The following ANKRD31 variants were observed in gnomAD, a reference collection of about 807,000 sequenced individuals.
ANKRD31 encodes ankyrin repeat domain 31.
ANKRD31 carries 147 observed loss-of-function variants against 186.0 expected under a neutral mutation model. The observed-to-expected ratio is 0.79, with a 90% CI of 0.69 to 0.91. The LOEUF is 0.91. Ranked by LOEUF, ANKRD31 falls within the 40% of genes least tolerant of loss-of-function variation. The pLI is 0.00. For missense variants in ANKRD31, 1,986 were observed against 2,148.8 expected (o/e 0.92, Z 1.50); for synonymous variants, 673 against 736.4 (o/e 0.91, Z 1.39).
chr5:75,236,773 T>C lies in ANKRD31; in HGVS notation c.-87A>G. The C allele has an allele frequency of 2.0e-6, 2 of 1,021,016 alleles. No individual in the cohort carries two copies. The highest frequency in any genetic ancestry group is 1.6e-5 in the South Asian group (1 of 63,912). The allele number at this position is 1,021,016 out of a possible 1,614,324, so 63.2% of individuals were successfully genotyped here. On this transcript the variant is annotated 5_prime_UTR_variant, in exon 1 of 26. Transcript: ENST00000506364. ...AAAACGCTTTGAGGGCCAGGGGAAATTGTGAATTAAAAATAAAAATAATAT... is the reference window on the plus strand; with the variant it reads ...AAAACGCTTTGAGGGCCAGGGGAAACTGTGAATTAAAAATAAAAATAATAT...
At chr5:75,194,172 C>T (rs1297510435) in intron 7 of ANKRD31, among the ~76,000 whole-genome samples, 1 of 152,036 alleles carries the variant, frequency 6.6e-6, no homozygotes, top group Non-Finnish European at 1.5e-5. Context: ...CTTACATATC[C>T]GTCTTGCAAA....
At chr5:75,167,901 G>C (rs1753036910) in intron 11 of ANKRD31, among the ~76,000 whole-genome samples, 2 of 152,152 alleles carry the variant, frequency 1.3e-5, no homozygotes, top group African/African-American at 2.4e-5. Context: ...TATGGTGTTA[G>C]ACAGAAGAAG....
chr5:75,158,063 G>A (rs1199130982), intron 11 of ANKRD31, among the ~76,000 whole-genome samples: 1 of 152,040 alleles, frequency 6.6e-6, no homozygotes, highest in Non-Finnish European at 1.5e-5. Flanking sequence ...CCATCTTGGT[G>A]GCCCAGAAGA....
chr5:75,137,722 T>C, intron 17 of ANKRD31, 134 bp downstream of exon 17: 1 of 742,164 alleles, frequency 1.3e-6, no homozygotes, highest in Non-Finnish European at 1.9e-6. Context: ...TATCTTCATT[T>C]GTAATTTGAA....
intron 6 of ANKRD31, among the ~76,000 whole-genome samples, chr5:75,196,824 A>G (rs1217001656): frequency 6.6e-6 from 1 of 152,210 alleles, no homozygotes; most frequent in Non-Finnish European, 1.5e-5. Context: ...ACATTTCTAA[A>G]TGACTATTAT....
intron 22 of ANKRD31, among the ~76,000 whole-genome samples, chr5:75,094,585 C>T (rs948403852): frequency 2.0e-5 from 3 of 151,624 alleles, no homozygotes; most frequent in Non-Finnish European, 4.4e-5. Context: ...AAAATATTCA[C>T]CGATTGCAAA....
intron 25 of ANKRD31, among the ~76,000 whole-genome samples, chr5:75,073,532 G>A (rs1561391379): frequency 1.3e-5 from 2 of 152,174 alleles, no homozygotes; most frequent in South Asian, 4.1e-4. Context: ...GAGCTTGGGA[G>A]GCTTGAGATG....
chr5:75,115,232 C>T (rs548111370), intron 19 of ANKRD31, among the ~76,000 whole-genome samples: 1 of 150,424 alleles, frequency 6.6e-6, no homozygotes, highest in South Asian at 2.1e-4. Flanking sequence ...TGGATCCCTT[C>T]CTTACACCTT....
intron 20 of ANKRD31, among the ~76,000 whole-genome samples, chr5:75,109,487 A>G (rs1453394619): frequency 6.6e-6 from 1 of 152,226 alleles, no homozygotes; most frequent in Non-Finnish European, 1.5e-5. Context: ...CTGCATATTC[A>G]GCAGCAAGAG....
At chr5:75,203,153 C>T (rs1399852112) in intron 5 of ANKRD31, among the ~76,000 whole-genome samples, 1 of 152,068 alleles carries the variant, frequency 6.6e-6, no homozygotes, top group East Asian at 1.9e-4. Context: ...ACTTGTGACT[C>T]AGAAGTTCGA....
chr5:75,211,217 C>T (rs535983501), intron 3 of ANKRD31, among the ~76,000 whole-genome samples: 1 of 152,322 alleles, frequency 6.6e-6, no homozygotes, highest in South Asian at 2.1e-4. Context: ...TGATTTACTA[C>T]TCTAGAAACA....
At chr5:75,169,258 C>T (rs1305800451) in intron 10 of ANKRD31, 137 bp from the exon 11 acceptor site, 19 of 995,558 alleles carry the variant, frequency 1.9e-5, no homozygotes, top group Non-Finnish European at 2.0e-5. Flanking sequence ...ATAGTATCAC[C>T]TGAAAGCACA....
At chr5:75,153,799 C>G (rs1390994531) in intron 12 of ANKRD31, among the ~76,000 whole-genome samples, 1 of 151,828 alleles carries the variant, frequency 6.6e-6, no homozygotes, top group Non-Finnish European at 1.5e-5. Flanking sequence ...TTTAATAGAG[C>G]AGTGGATGAG....
intron 17 of ANKRD31, among the ~76,000 whole-genome samples, chr5:75,134,080 C>A (rs9720257): frequency 6.6e-6 from 1 of 152,008 alleles, no homozygotes; most frequent in Non-Finnish European, 1.5e-5. Context: ...TCAAAATAGA[C>A]ACCCTAACAT....
chr5:75,189,221 C>T (rs1754939670), intron 9 of ANKRD31, among the ~76,000 whole-genome samples: 1 of 152,138 alleles, frequency 6.6e-6, no homozygotes, highest in African/African-American at 2.4e-5. Flanking sequence ...ATTTACTAAG[C>T]CAGAAATGCA....
chr5:75,216,796 T>C (rs1394284197), intron 3 of ANKRD31, among the ~76,000 whole-genome samples: 1 of 151,802 alleles, frequency 6.6e-6, no homozygotes, highest in African/African-American at 2.4e-5. Flanking sequence ...CATCCCTTAC[T>C]TTTCCCCATG....
intron 17 of ANKRD31, among the ~76,000 whole-genome samples, chr5:75,128,808 C>T (rs979984388): frequency 6.6e-6 from 1 of 152,062 alleles, no homozygotes; most frequent in Admixed American, 6.6e-5. Context: ...GCCAACATGC[C>T]TGGCCAAGTG....
chr5:75,228,529 G>A (rs994485264), intron 2 of ANKRD31, among the ~76,000 whole-genome samples: 2 of 151,210 alleles, frequency 1.3e-5, no homozygotes, highest in Non-Finnish European at 2.9e-5. Flanking sequence ...AAAGGTTGAA[G>A]TAAATAAATA....
chr5:75,101,951 C>T (rs549897617), intron 22 of ANKRD31, among the ~76,000 whole-genome samples: 1 of 152,340 alleles, frequency 6.6e-6, no homozygotes, highest in East Asian at 1.9e-4. Flanking sequence ...CATTTTCCAT[C>T]CAGCTTTGTT....
Sources: gnomAD v4.1 joint callset for allele counts (sites outside exome capture counted in the v4.1 genomes callset) on GRCh38, gnomAD v4.1.1 for gene constraint, MANE v1.5 for transcripts, NCBI Gene and HGNC (gene_info 2026-07-23, HGNC 2026-07-21) for gene names.